ARK2C: variants seen among roughly 807,000 people sequenced by gnomAD.
The protein encoded by ARK2C is E3 ubiquitin-protein ligase ARK2C.
At chr18:46,389,224 G>A in the ARK2C span, among the ~76,000 whole-genome samples, 1 of 152,356 alleles carries the variant, frequency 6.6e-6, no homozygotes, top group Non-Finnish European at 1.5e-5. Flanking sequence ...AACCAAGAAA[G>A]TTAAGTGCAC....
the ARK2C span, among the ~76,000 whole-genome samples, chr18:46,402,414 A>AT: frequency 6.6e-6 from 1 of 152,260 alleles, no homozygotes; most frequent in Non-Finnish European, 1.5e-5. Flanking sequence ...AAATGAACAT[A>AT]TTTTTGATGT....
the ARK2C span, chr18:46,447,610 G>A: frequency 3.1e-6 from 5 of 1,613,848 alleles, no homozygotes; most frequent in East Asian, 2.2e-5. Context: ...TTCCAGGTGC[G>A]GCCCATCCCT....
the ARK2C span, among the ~76,000 whole-genome samples, chr18:46,342,694 G>C: frequency 6.6e-6 from 1 of 152,250 alleles, no homozygotes; most frequent in African/African-American, 2.4e-5. Flanking sequence ...TGAGCCCCAA[G>C]ATGAGGGCAC....
chr18:46,364,231 AGCCACT>A, the ARK2C span, among the ~76,000 whole-genome samples: 1 of 151,950 alleles, frequency 6.6e-6, no homozygotes, highest in Admixed American at 6.6e-5. Flanking sequence ...TATAGCCATG[AGCCACT>A]GTGCCAGGCC....
the ARK2C span, among the ~76,000 whole-genome samples, chr18:46,402,557 C>A: frequency 9.9e-5 from 15 of 152,176 alleles, no homozygotes; most frequent in African/African-American, 3.6e-4. Context: ...CTGTCACCCA[C>A]GCTGGAGTGC....
the ARK2C span, among the ~76,000 whole-genome samples, chr18:46,408,305 G>A: frequency 1.3e-5 from 2 of 152,224 alleles, no homozygotes; most frequent in Non-Finnish European, 2.9e-5. Context: ...ATGGGCATCT[G>A]CCAAGGAGTT....
chr18:46,338,065 G>A, the ARK2C span, among the ~76,000 whole-genome samples: 3 of 152,120 alleles, frequency 2.0e-5, no homozygotes, highest in African/African-American at 4.8e-5. Context: ...TGAGAAAAGG[G>A]ATACTGTTCT....
At chr18:46,430,056 T>C in the ARK2C span, among the ~76,000 whole-genome samples, 3 of 152,220 alleles carry the variant, frequency 2.0e-5, no homozygotes, top group African/African-American at 7.2e-5. Context: ...GCTGTGTGCT[T>C]GGGAAGCTTT....
chr18:46,417,593 A>AC, the ARK2C span, among the ~76,000 whole-genome samples: 10 of 151,350 alleles, frequency 6.6e-5, no homozygotes, highest in South Asian at 2.1e-4. Context: ...TTAAAATGGA[A>AC]CCCCCCCAAC....
At chr18:46,404,298 C>T in the ARK2C span, among the ~76,000 whole-genome samples, 1 of 152,170 alleles carries the variant, frequency 6.6e-6, no homozygotes, top group Admixed American at 6.5e-5. Context: ...GGCTCGCTTC[C>T]TCTCTTAAGC....
chr18:46,432,498 A>G, the ARK2C span, among the ~76,000 whole-genome samples: 1 of 152,066 alleles, frequency 6.6e-6, no homozygotes, highest in African/African-American at 2.4e-5. Flanking sequence ...TGAAATTCTG[A>G]GCTTGGCTAG....
chr18:46,387,742 TCTTCA>T, the ARK2C span, among the ~76,000 whole-genome samples: 1 of 152,254 alleles, frequency 6.6e-6, no homozygotes, highest in Non-Finnish European at 1.5e-5. Context: ...AAGCTTCTAG[TCTTCA>T]TCATCGAGGA....
At chr18:46,433,266 G>A in the ARK2C span, 1 of 1,610,750 alleles carries the variant, frequency 6.2e-7, no homozygotes, top group Non-Finnish European at 8.5e-7. Context: ...CGCAGCCGCA[G>A]CAGCTCGCTC....
the ARK2C span, among the ~76,000 whole-genome samples, chr18:46,397,557 AG>A: frequency 2.6e-3 from 75 of 28,546 alleles, no homozygotes; most frequent in African/African-American, 0.011. Context: ...CTGGGGTGTG[AG>A]GGTGTGTGTG....
chr18:46,371,070 C>T, the ARK2C span, among the ~76,000 whole-genome samples: 1 of 152,188 alleles, frequency 6.6e-6, no homozygotes, highest in African/African-American at 2.4e-5. Flanking sequence ...GGAGCAAAGG[C>T]ACGTCTTACA....
chr18:46,356,796 C>T, the ARK2C span, among the ~76,000 whole-genome samples: 2 of 152,316 alleles, frequency 1.3e-5, no homozygotes, highest in East Asian at 3.9e-4. Context: ...CCCGCAGCTT[C>T]CTGCCTCAAT....
chr18:46,427,386 C>T, the ARK2C span, among the ~76,000 whole-genome samples: 1 of 152,178 alleles, frequency 6.6e-6, no homozygotes, highest in Admixed American at 6.5e-5. Context: ...CCTAATGAGG[C>T]TCCAGAGAAA....
the ARK2C span, among the ~76,000 whole-genome samples, chr18:46,369,624 G>T: frequency 7.2e-5 from 11 of 152,152 alleles, no homozygotes; most frequent in Admixed American, 1.3e-4. Context: ...CTTTGGCCTG[G>T]AGACAGCTCC....
At chr18:46,453,576 A>G in the ARK2C span, among the ~76,000 whole-genome samples, 1 of 152,180 alleles carries the variant, frequency 6.6e-6, no homozygotes, top group Non-Finnish European at 1.5e-5. Context: ...AAGAAATGAC[A>G]AAAGTTAGGA....
Sources: allele counts gnomAD v4.1 joint callset (sites outside exome capture counted in the v4.1 genomes callset), GRCh38; gene constraint gnomAD v4.1.1; transcripts MANE v1.5; gene names NCBI Gene and HGNC (gene_info 2026-07-23, HGNC 2026-07-21).